Variants in GNAL observed in about 807,000 individuals in gnomAD.
GNAL encodes the protein guanine nucleotide-binding protein G(olf) subunit alpha.
A neutral mutation model predicts 55.1 loss-of-function variants in GNAL; 18 were observed. The observed-to-expected ratio is 0.33, with a 90% CI of 0.23 to 0.48. The LOEUF is 0.48. GNAL is among the 20% of genes least tolerant of loss of function. GNAL has a pLI of 0.99. For synonymous variants in GNAL, 253 were observed against 237.0 expected (o/e 1.07, Z -0.62); for missense variants, 412 against 614.1 (o/e 0.67, Z 3.48).
intron 1 of GNAL, among the ~76,000 whole-genome samples, chr18:11,711,863 G>A (rs557161815): frequency 2.0e-5 from 3 of 152,296 alleles, no homozygotes; most frequent in African/African-American, 7.2e-5. Context: ...CTTTAGCAGG[G>A]AAAGATCTTC....
chr18:11,796,449 G>A (rs551139225), intron 4 of GNAL, among the ~76,000 whole-genome samples: 11 of 151,750 alleles, frequency 7.2e-5, no homozygotes, highest in Admixed American at 1.3e-4. Flanking sequence ...GCGTGGTGGC[G>A]GGCGCCTGTA....
intron 1 of GNAL, among the ~76,000 whole-genome samples, chr18:11,713,995 A>C (rs1209035719): frequency 2.6e-5 from 4 of 152,202 alleles, no homozygotes; most frequent in Non-Finnish European, 4.4e-5. Flanking sequence ...TATCAGGGAT[A>C]AGGCCCAGGT....
chr18:11,714,514 G>T (rs1441781182), intron 1 of GNAL, among the ~76,000 whole-genome samples: 1 of 152,166 alleles, frequency 6.6e-6, no homozygotes, highest in Non-Finnish European at 1.5e-5. Context: ...CATTTTATAT[G>T]AGATAAAGTA....
chr18:11,767,529 G>C (rs573250356), intron 4 of GNAL, among the ~76,000 whole-genome samples: 3 of 151,616 alleles, frequency 2.0e-5, no homozygotes, highest in Admixed American at 6.6e-5. Context: ...CTTGCATGCT[G>C]TACTCTGTGA....
At chr18:11,724,692 G>T (rs141261503) in intron 1 of GNAL, among the ~76,000 whole-genome samples, 5,148 of 152,168 alleles carry the variant, frequency 0.034, 121 homozygotes, top group Non-Finnish European at 0.048. Flanking sequence ...GCCCAGTCAC[G>T]ACTAGCCACT....
intron 4 of GNAL, among the ~76,000 whole-genome samples, chr18:11,796,575 C>CAAAAAAAAA (rs760136358): frequency 0.027 from 1,599 of 58,836 alleles, 126 homozygotes; most frequent in African/African-American, 0.032. Flanking sequence ...CTCCTTCTCA[C>CAAAAAAAAA]AAAAAAAAAA....
chr18:11,768,978 T>C lies in GNAL; in HGVS notation c.624+15033T>C, dbSNP rs183894395. On this transcript the variant is annotated intron_variant, in intron 4 of 11. Coordinates refer to ENST00000334049, the MANE Select transcript of GNAL (RefSeq NM_182978.4). ...TGTTATATATAATATATTATATATA[T>C]TATATATTCTATATTATAATATAGA... 4.5e-5 allele frequency among the ~76,000 whole-genome samples: 5 copies of C among 110,346 alleles called. 1 individual carries two copies. The highest frequency in any genetic ancestry group is 1.5e-4 in the African/African-American group (3 of 20,438). The allele number at this position is 110,346 out of a possible 152,430, so 72.4% of individuals were successfully genotyped here.
intron 4 of GNAL, among the ~76,000 whole-genome samples, chr18:11,755,794 G>A (rs1370601188): frequency 2.6e-5 from 4 of 152,064 alleles, no homozygotes; most frequent in African/African-American, 4.8e-5. Context: ...GGAAGGGGTC[G>A]GCAGAAGATG....
At chr18:11,865,500 A>T (rs2036242312) in intron 7 of GNAL, among the ~76,000 whole-genome samples, 1 of 148,602 alleles carries the variant, frequency 6.7e-6, no homozygotes, top group African/African-American at 2.6e-5. Flanking sequence ...CTGTAATCTC[A>T]GCACTTTGGG....
Position 11,884,207 on chromosome 18 carries a change from T to TA in GNAL, c.*3073dup. ...ACTGTACAGATGCAACCTTTGATGA[T>TA]ACATATATTTGATAAAAATGAGAAA... is the stretch of plus-strand genomic sequence containing the variant. On this transcript the variant is annotated 3_prime_UTR_variant, in exon 12 of 12. Transcript: ENST00000334049. 1 of 498,370 alleles carries TA rather than the reference T, an allele frequency of 2.0e-6. No individual in the cohort carries two copies. Among genetic ancestry groups the TA allele is most frequent in the South Asian group, 2.4e-5 (1 of 41,102 alleles). 30.9% of individuals were successfully genotyped at this position (498,370 alleles called of 1,614,324 possible).
chr18:11,860,562 G>A (rs936558777), intron 5 of GNAL, among the ~76,000 whole-genome samples: 1 of 152,132 alleles, frequency 6.6e-6, no homozygotes, highest in African/African-American at 2.4e-5. Flanking sequence ...ACATGCACAC[G>A]GGAACTTTCA....
At chr18:11,716,439 T>G (rs554997168) in intron 1 of GNAL, among the ~76,000 whole-genome samples, 1 of 152,262 alleles carries the variant, frequency 6.6e-6, no homozygotes, top group Non-Finnish European at 1.5e-5. Flanking sequence ...GCAAGATTTA[T>G]TGCAAAGAGT....
In GNAL at chr18:11,868,502, G is replaced by A. The variant is rs1279083788; in HGVS notation, c.911-41G>A. The stretch of plus-strand genomic sequence containing the variant: ...GTACTTTCTTGTAACTCCACAGTGA[G>A]GATGTCTAACTGAGGTGCTTTCCTT... On this transcript the variant is annotated intron_variant, in intron 8 of 11. Coordinates refer to ENST00000334049, the MANE Select transcript of GNAL (RefSeq NM_182978.4). The surrounding 1 kb of genome is among the most constrained non-coding windows in gnomAD (Gnocchi z 4.0). The A allele has an allele frequency of 6.4e-7, 1 of 1,573,104 alleles. No homozygotes were observed. Among genetic ancestry groups the A allele is most frequent in the Non-Finnish European group, 8.7e-7 (1 of 1,154,922 alleles).
At chr18:11,808,183 C>A (rs1323213128) in intron 4 of GNAL, among the ~76,000 whole-genome samples, 1 of 152,104 alleles carries the variant, frequency 6.6e-6, no homozygotes, top group Admixed American at 6.5e-5. Flanking sequence ...GGAATCGCCA[C>A]TCTCCCCAGA....
At chr18:11,761,971 C>T (rs1460152214) in intron 4 of GNAL, among the ~76,000 whole-genome samples, 1 of 152,218 alleles carries the variant, frequency 6.6e-6, no homozygotes, top group Non-Finnish European at 1.5e-5. Flanking sequence ...GTCTTAGGCT[C>T]AGGGCTGCCG....
At chr18:11,755,595 G>T (rs1030541426) in intron 4 of GNAL, among the ~76,000 whole-genome samples, 19 of 152,172 alleles carry the variant, frequency 1.2e-4, no homozygotes, top group Non-Finnish European at 1.3e-4. Flanking sequence ...TTTTTAAAAA[G>T]CTTTTATTTT....
chr18:11,826,753 G>C (rs974886330), intron 5 of GNAL, among the ~76,000 whole-genome samples: 7 of 152,200 alleles, frequency 4.6e-5, no homozygotes, highest in African/African-American at 1.7e-4. Context: ...AAGAGATCCA[G>C]CTCTGATTTG....
At chr18:11,823,481 C>T (rs148987036) in intron 4 of GNAL, among the ~76,000 whole-genome samples, 2 of 152,354 alleles carry the variant, frequency 1.3e-5, no homozygotes, top group African/African-American at 4.8e-5. Flanking sequence ...ATAAAGCCTA[C>T]ACTCTGGGTA....
chr18:11,756,235 G>A (rs1449978093), intron 4 of GNAL, among the ~76,000 whole-genome samples: 2 of 152,090 alleles, frequency 1.3e-5, no homozygotes, highest in African/African-American at 4.8e-5. Context: ...AAGTGTTTTT[G>A]GAGCTAAATC....
Sources: gnomAD v4.1 joint callset for allele counts (sites outside exome capture counted in the v4.1 genomes callset) on GRCh38, gnomAD v4.1.1 for gene constraint, Gnocchi (gnomAD v3.1) non-coding constraint, MANE v1.5 for transcripts, NCBI Gene and HGNC (gene_info 2026-07-23, HGNC 2026-07-21) for gene names.